NRXN1: variants seen among roughly 807,000 people sequenced by gnomAD.
NRXN1 encodes neurexin 1, also known as neurexin-1.
A neutral mutation model predicts 150.9 loss-of-function variants in NRXN1; 39 were observed. The observed-to-expected ratio is 0.26, with a 90% confidence interval of 0.20 to 0.34. NRXN1 has a LOEUF of 0.34. Ranked by LOEUF, NRXN1 falls within the 10% of genes least tolerant of loss-of-function variation. The probability of loss-of-function intolerance (pLI) is 1.00; values close to 1 mark genes in which losing one functional copy is unlikely to be tolerated. For synonymous variants in NRXN1, 924 were observed against 757.0 expected (o/e 1.22, Z -3.62); for missense variants, 1,815 against 1,949.9 (o/e 0.93, Z 1.30).
intron 2 of NRXN1, among the ~76,000 whole-genome samples, chr2:50,946,979 G>T (rs1226729359): frequency 6.6e-6 from 1 of 152,108 alleles, no homozygotes; most frequent in African/African-American, 2.4e-5. Flanking sequence ...TGATTATTGG[G>T]TTTCTTCTGG....
At chr2:49,942,489 T>C (rs554898436) in intron 22 of NRXN1, among the ~76,000 whole-genome samples, 1 of 152,328 alleles carries the variant, frequency 6.6e-6, no homozygotes, top group South Asian at 2.1e-4. Context: ...TACTTTCTTG[T>C]GACATGAAAT....
At chr2:50,776,066 G>C (rs1453864649) in intron 5 of NRXN1, among the ~76,000 whole-genome samples, 1 of 152,038 alleles carries the variant, frequency 6.6e-6, no homozygotes, top group African/African-American at 2.4e-5. Context: ...ATCATTCTAT[G>C]AACAAATCGA....
At chr2:50,783,586 C>A (rs773312320) in intron 5 of NRXN1, among the ~76,000 whole-genome samples, 1 of 152,116 alleles carries the variant, frequency 6.6e-6, no homozygotes, top group Admixed American at 6.6e-5. Flanking sequence ...AAGAACAGTA[C>A]AATTTCCACT....
intron 2 of NRXN1, among the ~76,000 whole-genome samples, chr2:50,981,008 A>AT (rs1484586196): frequency 1.3e-5 from 2 of 152,102 alleles, no homozygotes; most frequent in African/African-American, 2.4e-5. Context: ...ATTAAAATAG[A>AT]TGTATGCAGC....
chr2:50,256,003 T>TA (rs1325348569), intron 17 of NRXN1, among the ~76,000 whole-genome samples: 1 of 152,184 alleles, frequency 6.6e-6, no homozygotes, highest in African/African-American at 2.4e-5. Context: ...ATGATGATTT[T>TA]AGTCAGATGT....
chr2:50,026,569 A>G (rs1272595961), intron 21 of NRXN1, among the ~76,000 whole-genome samples: 2 of 152,136 alleles, frequency 1.3e-5, no homozygotes, highest in Non-Finnish European at 2.9e-5. Flanking sequence ...GTTCAGTTAC[A>G]TCTTAAATAA....
intron 5 of NRXN1, 60 bp from the exon 6 acceptor site, chr2:50,623,675 T>C (rs560055109): frequency 2.4e-6 from 3 of 1,248,730 alleles, no homozygotes; most frequent in South Asian, 2.8e-5. Context: ...AATCAGCAGG[T>C]CTTAACAGAA....
chr2:50,910,430 C>T (rs1480638793), intron 5 of NRXN1, among the ~76,000 whole-genome samples: 1 of 151,898 alleles, frequency 6.6e-6, no homozygotes, highest in African/African-American at 2.4e-5. Context: ...AAATGAGTTT[C>T]AAAGAGGCCA....
intron 19 of NRXN1, among the ~76,000 whole-genome samples, chr2:50,056,934 C>T (rs1408344411): frequency 6.6e-6 from 1 of 152,200 alleles, no homozygotes; most frequent in East Asian, 1.9e-4. Context: ...GTTTTTCATG[C>T]TAGAGTCTTC....
chr2:50,971,785 T>C (rs1016044672), intron 2 of NRXN1, among the ~76,000 whole-genome samples: 1 of 151,984 alleles, frequency 6.6e-6, no homozygotes, highest in African/African-American at 2.4e-5. Context: ...GTTTAAAAAT[T>C]TTTTTCATTA....
intron 18 of NRXN1, among the ~76,000 whole-genome samples, chr2:50,192,049 T>C (rs540212867): frequency 2.0e-5 from 3 of 152,288 alleles, no homozygotes; most frequent in African/African-American, 4.8e-5. Context: ...AAGAGGATTT[T>C]ATCTAAAATA....
At chr2:50,957,606 T>C (rs1692477712) in intron 2 of NRXN1, among the ~76,000 whole-genome samples, 1 of 152,180 alleles carries the variant, frequency 6.6e-6, no homozygotes, top group Admixed American at 6.6e-5. Flanking sequence ...CAATAAATGA[T>C]TCTGCGGCTT....
intron 17 of NRXN1, among the ~76,000 whole-genome samples, chr2:50,425,620 T>C (rs1299443124): frequency 6.6e-6 from 1 of 152,208 alleles, no homozygotes; most frequent in Admixed American, 6.5e-5. Context: ...GTATATAATG[T>C]TGAACCCTAA....
chr2:50,373,711 G>GAAAGAAAGAAAGAA (rs71404950), intron 17 of NRXN1, among the ~76,000 whole-genome samples: 40 of 86,256 alleles, frequency 4.6e-4, no homozygotes, highest in East Asian at 1.2e-3. Flanking sequence ...AAGAAAGAAA[G>GAAAGAAAGAAAGAA]AGAAAGAAAG....
intron 2 of NRXN1, among the ~76,000 whole-genome samples, chr2:50,962,245 G>T (rs772091595): frequency 1.3e-5 from 2 of 151,594 alleles, no homozygotes; most frequent in Non-Finnish European, 1.5e-5. Flanking sequence ...TTAACAAAAG[G>T]CGCCTCTCCC....
intron 17 of NRXN1, among the ~76,000 whole-genome samples, chr2:50,284,644 C>A (rs2071884188): frequency 6.6e-6 from 1 of 152,124 alleles, no homozygotes; most frequent in Non-Finnish European, 1.5e-5. Flanking sequence ...CTCACCAAAC[C>A]AATTCTAGCC....
At chr2:50,299,828 C>T (rs887390046) in intron 17 of NRXN1, among the ~76,000 whole-genome samples, 3 of 152,128 alleles carry the variant, frequency 2.0e-5, no homozygotes, top group African/African-American at 7.2e-5. Flanking sequence ...AACAAACAGT[C>T]TATAATCCAT....
chr2:50,642,135 T>A (rs192444053), intron 5 of NRXN1, among the ~76,000 whole-genome samples: 1 of 152,156 alleles, frequency 6.6e-6, no homozygotes, highest in African/African-American at 2.4e-5. Context: ...CCCTGAAAAA[T>A]TAATCAATTC....
intron 17 of NRXN1, among the ~76,000 whole-genome samples, chr2:50,432,749 T>C (rs1016523694): frequency 1.3e-5 from 2 of 152,222 alleles, no homozygotes; most frequent in South Asian, 4.1e-4. Flanking sequence ...ATAACTCTAC[T>C]GTAATCTCCT....
Sources: allele counts gnomAD v4.1 joint callset (sites outside exome capture counted in the v4.1 genomes callset), GRCh38; gene constraint gnomAD v4.1.1; transcripts MANE v1.5; gene names NCBI Gene and HGNC (gene_info 2026-07-23, HGNC 2026-07-21).